PLCG2: variants seen among roughly 807,000 people sequenced by gnomAD.
PLCG2 encodes the protein 1-phosphatidylinositol 4,5-bisphosphate phosphodiesterase gamma-2.
A neutral mutation model predicts 175.6 loss-of-function variants in PLCG2; 69 were observed. That is an observed-to-expected ratio of 0.39 (90% confidence interval 0.32 to 0.48). The LOEUF (loss-of-function observed/expected upper bound fraction) is 0.48, where lower values mean the gene tolerates loss of function less well. PLCG2 is among the 20% of genes least tolerant of loss of function. The pLI is 0.91. For synonymous variants in PLCG2, 827 were observed against 624.0 expected, an observed-to-expected ratio of 1.33 and a Z score of -4.85; for missense variants, 1,798 against 1,650.9, an observed-to-expected ratio of 1.09 and a Z score of -1.54.
intron 30 of PLCG2, 131 bp from the exon 31 acceptor site, chr16:81,946,044 A>C (rs1185460956): frequency 4.2e-6 from 3 of 707,518 alleles, no homozygotes; most frequent in Non-Finnish European, 7.7e-6. Context: ...CCACAAAGTC[A>C]GCCCCCAGCA....
At chr16:81,933,960 A>G (rs1910607995) in intron 25 of PLCG2, among the ~76,000 whole-genome samples, 1 of 152,198 alleles carries the variant, frequency 6.6e-6, no homozygotes, top group African/African-American at 2.4e-5. Context: ...CAGAGCCCTG[A>G]TGGGCAGTCA....
intron 25 of PLCG2, among the ~76,000 whole-genome samples, chr16:81,932,780 C>G (rs1030067701): frequency 5.3e-5 from 8 of 152,222 alleles, no homozygotes; most frequent in Admixed American, 6.5e-5. Context: ...GACCCAGGAA[C>G]TCCTGGGGGC....
intron 27 of PLCG2, 115 bp downstream of exon 27, chr16:81,936,493 C>T (rs1013328968): frequency 3.6e-5 from 29 of 801,538 alleles, no homozygotes; most frequent in African/African-American, 8.4e-5. Flanking sequence ...GTGATTTGTC[C>T]GAGGGACTGC....
intron 2 of PLCG2, among the ~76,000 whole-genome samples, chr16:81,793,974 T>C (rs1459734593): frequency 6.6e-6 from 1 of 152,226 alleles, no homozygotes; most frequent in Non-Finnish European, 1.5e-5. Context: ...ATCAGATCTG[T>C]GTGTCATAAA....
chr16:81,786,758 G>A lies in PLCG2; in HGVS notation c.193+576G>A, dbSNP rs544101199. Among the ~76,000 whole-genome samples the A allele has an allele frequency of 3.7e-4, 56 of 152,284 alleles. 1 individual carries two copies. The highest frequency in any genetic ancestry group is 7.5e-4 in the Non-Finnish European group (51 of 67,994). On this transcript the variant is annotated intron_variant, in intron 2 of 32. Transcript: ENST00000564138. ...TTCAGATCCTAAAGTTTCTAAGACT[G>A]TTTTTAACAAATAGAGTAAAGGCAC... is the stretch of plus-strand genomic sequence containing the variant.
At chr16:81,853,864 C>T (rs1296819729) in intron 2 of PLCG2, among the ~76,000 whole-genome samples, 2 of 152,118 alleles carry the variant, frequency 1.3e-5, no homozygotes, top group African/African-American at 2.4e-5. Context: ...CTCACAGGCC[C>T]TGTGATATCC....
chr16:81,839,786 C>T (rs1041130828), intron 2 of PLCG2, among the ~76,000 whole-genome samples: 2 of 152,210 alleles, frequency 1.3e-5, no homozygotes, highest in African/African-American at 4.8e-5. Context: ...CATGGTGGCT[C>T]ATGCCTGTAA....
intron 10 of PLCG2, 75 bp from the exon 11 acceptor site, chr16:81,891,397 G>A: frequency 1.2e-6 from 1 of 863,322 alleles, no homozygotes; most frequent in Admixed American, 1.7e-5. Flanking sequence ...CCCCTGGTGG[G>A]CGCAGACCAG....
At chr16:81,889,659 G>A (rs1488237613) in intron 10 of PLCG2, among the ~76,000 whole-genome samples, 1 of 151,960 alleles carries the variant, frequency 6.6e-6, no homozygotes, top group African/African-American at 2.4e-5. Flanking sequence ...TTGTTTGCTT[G>A]TGTGTTTGTT....
chr16:81,916,465 A>G (rs1909846414), intron 19 of PLCG2, among the ~76,000 whole-genome samples: 1 of 152,102 alleles, frequency 6.6e-6, no homozygotes, highest in Non-Finnish European at 1.5e-5. Context: ...TTCCTAATTT[A>G]TTTAATTGAC....
chr16:81,742,162 G>GC lies in PLCG2; in HGVS notation c.-145+2777_-145+2778insC, dbSNP rs371330722. 6.9e-4 allele frequency among the ~76,000 whole-genome samples: 96 copies of GC among 139,298 alleles called. 4 individuals are homozygous for GC. The highest frequency in any genetic ancestry group is 2.5e-3 in the African/African-American group (94 of 38,020). 91.4% of individuals were successfully genotyped at this position (139,298 alleles called of 152,430 possible). On this transcript the variant is annotated intron_variant, in intron 1 of 5. Transcript: ENST00000565054. ...AGTTACCATTGTGGGGGCGGGGGGGGGGGCGGTGTTGGCTAAAATTGAAAA... is the reference window on the plus strand; with the variant it reads ...AGTTACCATTGTGGGGGCGGGGGGGGCGGGCGGTGTTGGCTAAAATTGAAAA...
At position 81,754,022 on chromosome 16, in the gene PLCG2, C is replaced by A. The variant is rs1427723160; in HGVS notation, c.-144-1848C>A. Among the ~76,000 whole-genome samples the A allele has an allele frequency of 2.0e-5, 3 of 152,114 alleles. No homozygotes were observed. In the East Asian group the frequency reaches 5.8e-4, roughly 29 times the overall value. On this transcript the variant is annotated intron_variant, in intron 1 of 5. Transcript: ENST00000565054. ...CTCTTGCCTGGCCTGGCCGCCATCA[C>A]AGGCCCACCCCCGGGGAGAAGATTC...
At chr16:81,763,603 G>A (rs1046174237) in intron 2 of PLCG2, among the ~76,000 whole-genome samples, 2 of 152,220 alleles carry the variant, frequency 1.3e-5, no homozygotes, top group African/African-American at 2.4e-5. Context: ...CCTAAGTTGT[G>A]TGCCTCAAGC....
intron 7 of PLCG2, among the ~76,000 whole-genome samples, chr16:81,873,642 G>A (rs960691306): frequency 3.2e-4 from 48 of 151,958 alleles, no homozygotes; most frequent in African/African-American, 9.7e-4. Context: ...AATAAGATTT[G>A]CACATGGCTG....
At chr16:81,829,769 A>G (rs1905188002) in intron 2 of PLCG2, among the ~76,000 whole-genome samples, 1 of 151,428 alleles carries the variant, frequency 6.6e-6, no homozygotes, top group Non-Finnish European at 1.5e-5. Flanking sequence ...CATTTTGTCC[A>G]CTCTCTCCTG....
At position 81,766,163 on chromosome 16, in the gene PLCG2, G is replaced by A. The variant is rs185819106; in HGVS notation, c.-48+10197G>A. 3.5e-3 allele frequency among the ~76,000 whole-genome samples: 528 copies of A among 152,310 alleles called. 14 individuals are homozygous for A. The highest frequency in any genetic ancestry group is 0.03 in the Admixed American group (464 of 15,296). On this transcript the variant is annotated intron_variant, in intron 2 of 5. Transcript: ENST00000565054. The stretch of plus-strand genomic sequence containing the variant: ...GGCACTGTTTATGATGGCAACAGCT[G>A]TGACCTTTAGAGTCAAGAGGAAATC...
chr16:81,834,985 G>A (rs1212645190), intron 2 of PLCG2, among the ~76,000 whole-genome samples: 1 of 152,118 alleles, frequency 6.6e-6, no homozygotes, highest in Non-Finnish European at 1.5e-5. Context: ...CTGTGGGCAG[G>A]GGAAAGGCCC....
At chr16:81,858,190 T>TG in intron 3 of PLCG2, 73 bp from the exon 4 acceptor site, 1 of 1,057,626 alleles carries the variant, frequency 9.5e-7, no homozygotes, top group Non-Finnish European at 1.5e-6. Context: ...GTGATCTGTA[T>TG]GGGGCAGGGC....
At chr16:81,868,333 C>G (rs1427335466) in intron 5 of PLCG2, among the ~76,000 whole-genome samples, 1 of 152,134 alleles carries the variant, frequency 6.6e-6, no homozygotes, top group Non-Finnish European at 1.5e-5. Context: ...GTGACCTTGC[C>G]TTGCTCTGAA....
Sources: gnomAD v4.1 joint callset for allele counts (sites outside exome capture counted in the v4.1 genomes callset) on GRCh38, gnomAD v4.1.1 for gene constraint, MANE v1.5 for transcripts, NCBI Gene and HGNC (gene_info 2026-07-23, HGNC 2026-07-21) for gene names.